The following ZNF804B variants were observed in gnomAD, a reference collection of about 807,000 sequenced individuals.
The protein encoded by ZNF804B is zinc finger 804B.
In ZNF804B, 80 loss-of-function variants were observed where a neutral mutation model predicts 101.4. The ratio of observed to expected loss-of-function variants is 0.79; its 90% CI spans 0.66 to 0.95. The LOEUF (loss-of-function observed/expected upper bound fraction) is 0.95. ZNF804B is among the 40% of genes least tolerant of loss of function. ZNF804B has a pLI of 0.00. For synonymous variants in ZNF804B, 622 were observed against 558.8 expected (o/e 1.11, Z -1.59); for missense variants, 1,673 against 1,561.9 (o/e 1.07, Z -1.20).
At chr7:88,846,163 T>G (rs1277997933) in intron 1 of ZNF804B, among the ~76,000 whole-genome samples, 1 of 152,236 alleles carries the variant, frequency 6.6e-6, no homozygotes, top group Non-Finnish European at 1.5e-5. Flanking sequence ...TGATGTCCAA[T>G]AAATCTGTTA....
chr7:89,213,150 A>G (rs1788830353), intron 1 of ZNF804B, among the ~76,000 whole-genome samples: 1 of 152,178 alleles, frequency 6.6e-6, no homozygotes, highest in African/African-American at 2.4e-5. Context: ...ATAAATAAGT[A>G]AATGAAACCT....
intron 1 of ZNF804B, among the ~76,000 whole-genome samples, chr7:89,053,209 A>G (rs1406436944): frequency 6.6e-6 from 1 of 152,172 alleles, no homozygotes; most frequent in East Asian, 1.9e-4. Flanking sequence ...TGAATAAGTG[A>G]CATTACTGTA....
At chr7:88,769,976 G>A (rs1165391592) in intron 1 of ZNF804B, among the ~76,000 whole-genome samples, 2 of 152,056 alleles carry the variant, frequency 1.3e-5, no homozygotes, top group East Asian at 3.8e-4. Context: ...AATACTCTTA[G>A]GAGTGAAGAG....
intron 1 of ZNF804B, among the ~76,000 whole-genome samples, chr7:89,165,460 G>A (rs531801400): frequency 1.2e-4 from 18 of 152,106 alleles, no homozygotes; most frequent in Middle Eastern, 6.8e-3. Flanking sequence ...AAGCAGAATG[G>A]GAGAAACCAA....
intron 1 of ZNF804B, among the ~76,000 whole-genome samples, chr7:88,787,738 T>G (rs1790323125): frequency 6.6e-6 from 1 of 152,140 alleles, no homozygotes. Flanking sequence ...CAAATTACAC[T>G]TCTAAAAAGT....
chr7:89,248,218 T>C (rs1055974024), intron 2 of ZNF804B, among the ~76,000 whole-genome samples: 2 of 152,102 alleles, frequency 1.3e-5, no homozygotes, highest in African/African-American at 4.8e-5. Context: ...TTCCTAATCT[T>C]GCTACACAGT....
At chr7:89,171,414 TCTTCTCCTTCTC>T (rs369036296) in intron 1 of ZNF804B, among the ~76,000 whole-genome samples, 9 of 97,630 alleles carry the variant, frequency 9.2e-5, no homozygotes, top group African/African-American at 2.6e-4. Flanking sequence ...TTCTTCTTCT[TCTTCTCCTTCTC>T]CTTCTCCTTC....
At chr7:88,964,316 TG>T (rs1793427093) in intron 1 of ZNF804B, among the ~76,000 whole-genome samples, 1 of 151,542 alleles carries the variant, frequency 6.6e-6, no homozygotes, top group Admixed American at 6.6e-5. Flanking sequence ...AAACAAAATG[TG>T]GTATATACAT....
chr7:89,004,269 T>A lies in ZNF804B; in HGVS notation c.109-213886T>A, dbSNP rs1788337746. 2.0e-5 allele frequency among the ~76,000 whole-genome samples: 3 copies of A among 151,468 alleles called. No individual in the cohort carries two copies. The South Asian group carries it at 6.2e-4, about 31-fold the overall frequency. ...TAAGACAGACCTATATAAGAAAGGG[T>A]GATTTTTTTTTTGTTTCCCATCTGA... On this transcript the variant is annotated intron_variant, in intron 1 of 3. Coordinates refer to ENST00000333190, the MANE Select transcript of ZNF804B (RefSeq NM_181646.5).
intron 1 of ZNF804B, among the ~76,000 whole-genome samples, chr7:88,884,433 CTATT>C (rs1310700344): frequency 3.3e-5 from 5 of 151,384 alleles, no homozygotes; most frequent in African/African-American, 9.7e-5. Flanking sequence ...ATCTATATAT[CTATT>C]TATCATCTGT....
At chr7:88,778,772 A>T (rs1586899071) in intron 1 of ZNF804B, among the ~76,000 whole-genome samples, 1 of 152,268 alleles carries the variant, frequency 6.6e-6, no homozygotes, top group East Asian at 1.9e-4. Context: ...TTACCCTGAA[A>T]GTACTTCTTG....
chr7:88,818,881 G>T (rs1233860143), intron 1 of ZNF804B, among the ~76,000 whole-genome samples: 1 of 152,144 alleles, frequency 6.6e-6, no homozygotes, highest in East Asian at 1.9e-4. Flanking sequence ...AATATTAGAT[G>T]AAATTGCTGG....
chr7:88,854,513 T>TTTCCTTTCCTTCCTTTCC (rs1562812854), intron 1 of ZNF804B, among the ~76,000 whole-genome samples: 1 of 72,238 alleles, frequency 1.4e-5, no homozygotes, highest in Non-Finnish European at 2.5e-5. Flanking sequence ...TTTCCTTTCC[T>TTTCCTTTCCTTCCTTTCC]TTCCTTTCCT....
chr7:89,013,318 A>C (rs1330790520), intron 1 of ZNF804B, among the ~76,000 whole-genome samples: 1 of 106,330 alleles, frequency 9.4e-6, no homozygotes, highest in East Asian at 2.2e-4. Context: ...GCTAGTACTC[A>C]CTATAAAAAA....
intron 1 of ZNF804B, among the ~76,000 whole-genome samples, chr7:89,053,196 G>A (rs770180798): frequency 1.2e-4 from 19 of 152,032 alleles, no homozygotes; most frequent in Non-Finnish European, 2.4e-4. Context: ...CTGGTCTGTC[G>A]AATGAATAAG....
chr7:89,069,442 G>T (rs1253648235), intron 1 of ZNF804B, among the ~76,000 whole-genome samples: 4 of 151,928 alleles, frequency 2.6e-5, no homozygotes, highest in Admixed American at 6.6e-5. Context: ...CCAGAAAAAA[G>T]AAATATCATG....
intron 1 of ZNF804B, among the ~76,000 whole-genome samples, chr7:89,100,838 C>T (rs1427655092): frequency 1.3e-5 from 2 of 151,840 alleles, no homozygotes; most frequent in Non-Finnish European, 1.5e-5. Flanking sequence ...TCACATACTA[C>T]ATAAATACAT....
chr7:88,984,871 A>AT (rs1171013032), intron 1 of ZNF804B, among the ~76,000 whole-genome samples: 2 of 151,766 alleles, frequency 1.3e-5, no homozygotes, highest in African/African-American at 2.4e-5. Context: ...CAGATTGTAT[A>AT]TTTTTTTTAA....
chr7:88,781,198 A>G, intron 1 of ZNF804B, among the ~76,000 whole-genome samples: 1 of 152,198 alleles, frequency 6.6e-6, no homozygotes, highest in Non-Finnish European at 1.5e-5. Flanking sequence ...TCACATTATT[A>G]TTGAAGAATA....
Sources: allele counts gnomAD v4.1 joint callset (sites outside exome capture counted in the v4.1 genomes callset), GRCh38; gene constraint gnomAD v4.1.1; transcripts MANE v1.5; gene names NCBI Gene and HGNC (gene_info 2026-07-23, HGNC 2026-07-21).